GALNT17: variants seen among roughly 807,000 people sequenced by gnomAD.
GALNT17 encodes UDP-GalNAc:polypeptide N-acetylgalactosaminyltransferase-like 3.
In GALNT17, 29 loss-of-function variants were observed where a neutral mutation model predicts 63.7. The ratio of observed to expected loss-of-function variants is 0.46; its 90% CI spans 0.34 to 0.62. GALNT17 has a LOEUF of 0.62. GALNT17 is among the 20% of genes least tolerant of loss of function. The probability of loss-of-function intolerance (pLI) is 0.01; values close to 1 mark genes in which losing one functional copy is unlikely to be tolerated. For synonymous variants in GALNT17, 305 were observed against 318.3 expected (o/e 0.96, Z 0.45); for missense variants, 603 against 799.6 (o/e 0.75, Z 2.97).
intron 5 of GALNT17, among the ~76,000 whole-genome samples, chr7:71,469,790 A>G (rs1177973747): frequency 6.6e-6 from 1 of 152,252 alleles, no homozygotes; most frequent in East Asian, 1.9e-4. Context: ...GGATTTAGTA[A>G]TTCCCTCATT....
intron 1 of GALNT17, among the ~76,000 whole-genome samples, chr7:71,162,127 T>TCCTTCCTCCCTCCCTC (rs1788358182): frequency 9.3e-6 from 1 of 107,760 alleles, no homozygotes; most frequent in Admixed American, 9.6e-5. Flanking sequence ...CTCCCTCCCT[T>TCCTTCCTCCCTCCCTC]CCTTCCTTCC....
chr7:71,233,281 C>G (rs1051843994), intron 1 of GALNT17, among the ~76,000 whole-genome samples: 2 of 152,086 alleles, frequency 1.3e-5, no homozygotes, highest in Non-Finnish European at 2.9e-5. Context: ...GCTTTTGTCC[C>G]ATGTTCACAG....
intron 6 of GALNT17, among the ~76,000 whole-genome samples, chr7:71,638,171 C>T (rs919455651): frequency 6.6e-6 from 1 of 152,166 alleles, no homozygotes; most frequent in African/African-American, 2.4e-5. Flanking sequence ...CATGCTAATG[C>T]ATTATAATTA....
intron 5 of GALNT17, among the ~76,000 whole-genome samples, chr7:71,556,766 A>G (rs1174865798): frequency 1.3e-5 from 2 of 151,934 alleles, no homozygotes; most frequent in Non-Finnish European, 2.9e-5. Flanking sequence ...GGGTTTCACC[A>G]TGTTGGCCAG....
chr7:71,485,702 A>G (rs947362223), intron 5 of GALNT17, among the ~76,000 whole-genome samples: 5 of 152,188 alleles, frequency 3.3e-5, no homozygotes, highest in African/African-American at 1.2e-4. Context: ...CAGCTAAGAC[A>G]TGGTTTATGG....
At chr7:71,234,033 G>A (rs971371603) in intron 1 of GALNT17, among the ~76,000 whole-genome samples, 9 of 152,096 alleles carry the variant, frequency 5.9e-5, no homozygotes, top group Admixed American at 2.6e-4. Flanking sequence ...ATCTGCCCCC[G>A]TGATCCAGTC....
intron 9 of GALNT17, among the ~76,000 whole-genome samples, chr7:71,688,355 G>GC (rs1383492651): frequency 6.6e-6 from 1 of 152,114 alleles, no homozygotes; most frequent in Non-Finnish European, 1.5e-5. Context: ...CCTGGGCCCT[G>GC]CGTCCATCAG....
chr7:71,132,652 G>C lies in GALNT17; in HGVS notation c.-151G>C. 1 of 640,032 alleles carries C rather than the reference G, an allele frequency of 1.6e-6. No individual in the cohort carries two copies. Among genetic ancestry groups the C allele is most frequent in the South Asian group, 2.1e-5 (1 of 48,606 alleles). 39.6% of individuals were successfully genotyped at this position (640,032 alleles called of 1,614,324 possible). On this transcript the variant is annotated 5_prime_UTR_variant, in exon 1 of 11. Transcript: ENST00000333538. ...CCAATCCGACCTCCCAGCCGTCTCCGCCGCCCGAGCATCCTTGAGGTGGGA... is the reference window on the plus strand; with the variant it reads ...CCAATCCGACCTCCCAGCCGTCTCCCCCGCCCGAGCATCCTTGAGGTGGGA...
intron 1 of GALNT17, among the ~76,000 whole-genome samples, chr7:71,323,804 G>A (rs1310968293): frequency 2.0e-5 from 3 of 152,172 alleles, no homozygotes; most frequent in African/African-American, 7.2e-5. Context: ...CCGTCCAATC[G>A]TATCTATGAT....
chr7:71,444,636 G>C (rs1473706316), intron 5 of GALNT17, among the ~76,000 whole-genome samples: 1 of 152,158 alleles, frequency 6.6e-6, no homozygotes, highest in African/African-American at 2.4e-5. Context: ...AGGAGTTCCA[G>C]ACCAACCTGG....
intron 5 of GALNT17, among the ~76,000 whole-genome samples, chr7:71,431,161 A>G (rs929196899): frequency 2.8e-5 from 4 of 141,344 alleles, no homozygotes; most frequent in South Asian, 2.3e-4. Context: ...ATACACATCT[A>G]TTCGCTCCTC....
At chr7:71,393,327 T>C (rs1793083132) in intron 3 of GALNT17, among the ~76,000 whole-genome samples, 1 of 152,204 alleles carries the variant, frequency 6.6e-6, no homozygotes, top group Non-Finnish European at 1.5e-5. Flanking sequence ...CAATTTTGTT[T>C]TCTGATCTTA....
intron 5 of GALNT17, among the ~76,000 whole-genome samples, chr7:71,445,628 T>C (rs1787148436): frequency 6.6e-6 from 1 of 152,226 alleles, no homozygotes; most frequent in South Asian, 2.1e-4. Context: ...AGAAACAGGC[T>C]GCAAGGTAGG....
chr7:71,390,115 G>A (rs1248071022), intron 3 of GALNT17, among the ~76,000 whole-genome samples: 1 of 152,188 alleles, frequency 6.6e-6, no homozygotes, highest in East Asian at 1.9e-4. Context: ...TGAAGGCCAA[G>A]AAAGCTTATC....
chr7:71,689,821 G>C (rs945306698), intron 9 of GALNT17, among the ~76,000 whole-genome samples: 10 of 152,160 alleles, frequency 6.6e-5, no homozygotes, highest in African/African-American at 2.4e-4. Context: ...TGGCTTCAAA[G>C]CCTCAAAGGA....
chr7:71,363,735 C>T (rs1351607591), intron 2 of GALNT17, among the ~76,000 whole-genome samples: 4 of 152,168 alleles, frequency 2.6e-5, no homozygotes, highest in Non-Finnish European at 4.4e-5. Flanking sequence ...CGGACAGCCG[C>T]GTGGTGGATA....
intron 1 of GALNT17, among the ~76,000 whole-genome samples, chr7:71,151,726 C>T (rs73361715): frequency 4.0e-5 from 6 of 151,600 alleles, no homozygotes; most frequent in African/African-American, 7.3e-5. Context: ...CCCTACTTAA[C>T]GCTGCTTCTT....
chr7:71,460,486 T>C (rs1212662326), intron 5 of GALNT17, among the ~76,000 whole-genome samples: 1 of 152,198 alleles, frequency 6.6e-6, no homozygotes, highest in Non-Finnish European at 1.5e-5. Context: ...TAAGTAGATC[T>C]CACACCATAT....
At chr7:71,349,984 C>T (rs1395567905) in intron 2 of GALNT17, among the ~76,000 whole-genome samples, 1 of 152,120 alleles carries the variant, frequency 6.6e-6, no homozygotes, top group Non-Finnish European at 1.5e-5. Context: ...TTGGGCTGTG[C>T]GGTACTAGAA....
Sources: allele counts gnomAD v4.1 joint callset (sites outside exome capture counted in the v4.1 genomes callset), GRCh38; gene constraint gnomAD v4.1.1; transcripts MANE v1.5; gene names NCBI Gene and HGNC (gene_info 2026-07-23, HGNC 2026-07-21).